The following SLC24A3 variants were observed in gnomAD, a reference collection of about 807,000 sequenced individuals.
SLC24A3 encodes solute carrier family 24 member 3.
Under a neutral mutation model 75.8 loss-of-function variants are expected in SLC24A3, and 28 were observed. The ratio of observed to expected loss-of-function variants is 0.37; its 90% CI spans 0.27 to 0.51. The LOEUF (loss-of-function observed/expected upper bound fraction) is 0.51. Ranked by LOEUF, SLC24A3 falls within the 20% of genes least tolerant of loss-of-function variation. SLC24A3 has a pLI of 0.94. For synonymous variants in SLC24A3, 372 were observed against 334.1 expected (o/e 1.11, Z -1.24); for missense variants, 663 against 847.8 (o/e 0.78, Z 2.71).
chr20:19,347,881 T>C (rs1985463808), intron 2 of SLC24A3, among the ~76,000 whole-genome samples: 1 of 152,208 alleles, frequency 6.6e-6, no homozygotes, highest in South Asian at 2.1e-4. Flanking sequence ...GGAGACCTAC[T>C]TGATGGGGTT....
chr20:19,590,360 T>C (rs1036574983), intron 6 of SLC24A3, among the ~76,000 whole-genome samples: 4 of 152,004 alleles, frequency 2.6e-5, no homozygotes, highest in Non-Finnish European at 5.9e-5. Flanking sequence ...TATCTTATTG[T>C]TCCCCAGACA....
intron 2 of SLC24A3, among the ~76,000 whole-genome samples, chr20:19,331,618 CA>C (rs1406978977): frequency 6.6e-6 from 1 of 152,018 alleles, no homozygotes; most frequent in African/African-American, 2.4e-5. Flanking sequence ...TACTTCCCTG[CA>C]AAAAATAGAA....
intron 3 of SLC24A3, among the ~76,000 whole-genome samples, chr20:19,550,323 A>G (rs766238207): frequency 3.7e-4 from 56 of 152,198 alleles, no homozygotes; most frequent in Non-Finnish European, 7.1e-4. Context: ...TTGTTCTACT[A>G]ATGTGTCACT....
chr20:19,515,664 T>TG (rs2029973386), intron 3 of SLC24A3, 100 bp downstream of exon 3: 2 of 1,199,988 alleles, frequency 1.7e-6, no homozygotes, highest in South Asian at 2.6e-5. Context: ...CTCTCTGCCC[T>TG]CCTGTTCCCA....
intron 13 of SLC24A3, chr20:19,693,717 A>G (rs2032773268): frequency 3.3e-6 from 1 of 301,088 alleles, no homozygotes; most frequent in Non-Finnish European, 6.2e-6. Context: ...GTCCATGTCT[A>G]CTCCACGTGT....
At chr20:19,616,817 C>T (rs2031742974) in intron 6 of SLC24A3, among the ~76,000 whole-genome samples, 1 of 152,130 alleles carries the variant, frequency 6.6e-6, no homozygotes, top group African/African-American at 2.4e-5. Context: ...CTGCTTCTGT[C>T]CAAGGTGCTA....
chr20:19,574,688 G>T (rs1352275019), intron 3 of SLC24A3, among the ~76,000 whole-genome samples: 1 of 152,212 alleles, frequency 6.6e-6, no homozygotes, highest in East Asian at 1.9e-4. Context: ...ATGAGGGGCT[G>T]CGCTATGTCT....
chr20:19,590,836 G>T (rs976067650), intron 6 of SLC24A3, among the ~76,000 whole-genome samples: 1 of 152,200 alleles, frequency 6.6e-6, no homozygotes, highest in Non-Finnish European at 1.5e-5. Flanking sequence ...CAGAAGAGCA[G>T]CTCACCTGCT....
At chr20:19,405,022 A>G (rs1237454103) in intron 2 of SLC24A3, among the ~76,000 whole-genome samples, 1 of 152,106 alleles carries the variant, frequency 6.6e-6, no homozygotes. Context: ...CCTAGTGACC[A>G]CTAGCCAGTG....
At chr20:19,596,091 A>T (rs1028364981) in intron 6 of SLC24A3, among the ~76,000 whole-genome samples, 4 of 152,136 alleles carry the variant, frequency 2.6e-5, no homozygotes, top group African/African-American at 9.7e-5. Context: ...ATATGGGTGC[A>T]TTGGGAAGCT....
intron 1 of SLC24A3, among the ~76,000 whole-genome samples, chr20:19,279,122 G>A (rs1055897321): frequency 6.6e-6 from 1 of 152,226 alleles, no homozygotes; most frequent in African/African-American, 2.4e-5. Context: ...AGTAACGAAG[G>A]AGAAATCATT....
At chr20:19,645,520 G>C (rs892154015) in intron 6 of SLC24A3, among the ~76,000 whole-genome samples, 1 of 152,042 alleles carries the variant, frequency 6.6e-6, no homozygotes, top group Non-Finnish European at 1.5e-5. Context: ...GGAGTTGGGG[G>C]CAATGAAGAG....
chr20:19,424,374 G>T (rs940586442), intron 2 of SLC24A3, among the ~76,000 whole-genome samples: 3 of 152,128 alleles, frequency 2.0e-5, no homozygotes, highest in African/African-American at 7.2e-5. Flanking sequence ...TTGAAAATAG[G>T]TTATAGACAT....
intron 3 of SLC24A3, among the ~76,000 whole-genome samples, chr20:19,560,969 C>T (rs2030866373): frequency 6.6e-6 from 1 of 152,150 alleles, no homozygotes. Flanking sequence ...GGAGGGTTGT[C>T]TCACAAACTG....
At chr20:19,430,897 T>A in intron 2 of SLC24A3, among the ~76,000 whole-genome samples, 1 of 152,116 alleles carries the variant, frequency 6.6e-6, no homozygotes. Context: ...CCCTACTCCA[T>A]CCTGCCTGTT....
chr20:19,265,712 C>T (rs1983146301), intron 1 of SLC24A3: 1 of 152,572 alleles, frequency 6.6e-6, no homozygotes. Flanking sequence ...TATCTCTGTC[C>T]TTTGGTCTGA....
At chr20:19,416,625 A>G (rs1202233065) in intron 2 of SLC24A3, among the ~76,000 whole-genome samples, 1 of 152,150 alleles carries the variant, frequency 6.6e-6, no homozygotes, top group Non-Finnish European at 1.5e-5. Flanking sequence ...GAGTAAATTG[A>G]TATAGTACAA....
intron 6 of SLC24A3, among the ~76,000 whole-genome samples, chr20:19,633,376 G>A (rs1008220208): frequency 6.6e-6 from 1 of 152,094 alleles, no homozygotes; most frequent in Non-Finnish European, 1.5e-5. Context: ...GTGGCCGGGC[G>A]CGGTGGCTCA....
At position 19,416,866 on chromosome 20, in the gene SLC24A3, T is replaced by A. The variant is rs144793373; in HGVS notation, c.272-98622T>A. Among the ~76,000 whole-genome samples, 391 of 152,248 alleles carry A rather than the reference T, an allele frequency of 2.6e-3. 3 individuals are homozygous for A. Among genetic ancestry groups the A allele is most frequent in the Non-Finnish European group, 4.1e-3 (276 of 68,004 alleles). On this transcript the variant is annotated intron_variant, in intron 2 of 16. Coordinates refer to ENST00000328041, the MANE Select transcript of SLC24A3 (RefSeq NM_020689.4). ...GAGCTTCCTGTCTATGGGGGAGACA[T>A]GCAGATACAATAAAATGCCACCAGT...
Sources: allele counts gnomAD v4.1 joint callset (sites outside exome capture counted in the v4.1 genomes callset), GRCh38; gene constraint gnomAD v4.1.1; transcripts MANE v1.5; gene names NCBI Gene and HGNC (gene_info 2026-07-23, HGNC 2026-07-21).